Variants in PRDM1 observed in about 807,000 individuals in gnomAD.
PRDM1 encodes PR domain zinc finger protein 1.
Under a neutral mutation model 62.8 loss-of-function variants are expected in PRDM1, and 13 were observed. The observed-to-expected ratio is 0.21, with a 90% CI of 0.13 to 0.33. The LOEUF (loss-of-function observed/expected upper bound fraction) is 0.33. Among genes scored for constraint, PRDM1 ranks in the 10% least tolerant of loss-of-function variants. The pLI is 1.00. For missense variants in PRDM1, 895 were observed against 1,058.8 expected (o/e 0.85, Z 2.15); for synonymous variants, 396 against 417.6 (o/e 0.95, Z 0.63).
In PRDM1 at chr6:106,104,942, C is replaced by G. The variant is rs776025762; in HGVS notation, c.782C>G (p.Ser261Cys). Reference protein sequence around the residue: ...KEILKLDSNPSKGKDLYRSNI... With the variant: ...KEILKLDSNPCKGKDLYRSNI... ...ATCCTAAAATTGGACTCCAACCCCT[C>G]CAAAGGAAAGGACCTCTACCGTTCT... Residue 261 changes from serine (S) to cysteine (C), a missense_variant, in exon 5 of 7, where the codon TCC becomes TGC. This residue lies in a region of PRDM1 where 444 missense variants were observed against 422.7 expected (regional missense o/e 1.05). Transcript: ENST00000369096. 1 of 1,614,102 alleles carries G rather than the reference C, an allele frequency of 6.2e-7. No individual in the cohort carries two copies. The highest frequency in any genetic ancestry group is 8.5e-7 in the Non-Finnish European group (1 of 1,180,008).
intron 1 of PRDM1, among the ~76,000 whole-genome samples, chr6:106,033,071 GT>G (rs11309393): frequency 0.89 from 133,801 of 149,588 alleles, 59,866 homozygotes; most frequent in South Asian, 0.93. Context: ...AACATGGGTA[GT>G]TTTTTTTTTT....
intron 1 of PRDM1, among the ~76,000 whole-genome samples, chr6:106,010,814 G>A (rs1376339343): frequency 6.6e-6 from 1 of 152,112 alleles, no homozygotes; most frequent in African/African-American, 2.4e-5. Context: ...AACCTGCATG[G>A]GGCGATGACC....
rs562721214 is a variant in PRDM1 at position 106,031,336 on chromosome 6, T to A, written c.-67+37697T>A. Among the ~76,000 whole-genome samples, 6 of 152,296 alleles carry A rather than the reference T, an allele frequency of 3.9e-5. No homozygotes were observed. In the South Asian group the frequency reaches 1.0e-3, roughly 26 times the overall value. On this transcript the variant is annotated intron_variant, in intron 1 of 6. Coordinates refer to the PRDM1 transcript ENST00000652320. ...TGCAATGAAGGTAGAAGTCCCAGGATCTTCAGGGATGACCCAGCAGAGGGA... is the reference window on the plus strand; with the variant it reads ...TGCAATGAAGGTAGAAGTCCCAGGAACTTCAGGGATGACCCAGCAGAGGGA...
intron 1 of PRDM1, among the ~76,000 whole-genome samples, chr6:106,017,191 T>G (rs1365208126): frequency 6.6e-6 from 1 of 152,236 alleles, no homozygotes; most frequent in Non-Finnish European, 1.5e-5. Flanking sequence ...AAAAGTTATA[T>G]GCAGATTTTT....
intron 4 of PRDM1, among the ~76,000 whole-genome samples, chr6:106,101,412 C>T (rs1774267848): frequency 6.6e-6 from 1 of 152,206 alleles, no homozygotes; most frequent in African/African-American, 2.4e-5. Flanking sequence ...AGTGCTTCTA[C>T]TTTGTGTTCA....
At chr6:106,078,718 C>A (rs1196682279) in intron 1 of PRDM1, among the ~76,000 whole-genome samples, 1 of 151,982 alleles carries the variant, frequency 6.6e-6, no homozygotes, top group East Asian at 1.9e-4. Flanking sequence ...TCAAAAAATA[C>A]AAAAATTAGC....
At chr6:106,102,001 C>G (rs1440227048) in intron 4 of PRDM1, among the ~76,000 whole-genome samples, 1 of 152,158 alleles carries the variant, frequency 6.6e-6, no homozygotes, top group Non-Finnish European at 1.5e-5. Flanking sequence ...ATCTAACTAA[C>G]CCATCTAGAA....
At chr6:106,083,629 G>A (rs1396866179), upstream of PRDM1, among the ~76,000 whole-genome samples, 2 of 152,192 alleles carry the variant, frequency 1.3e-5, no homozygotes, top group African/African-American at 4.8e-5. Flanking sequence ...GAATAGATGA[G>A]AATTTCTGAG....
chr6:106,089,132 G>C (rs999750308), intron 2 of PRDM1, among the ~76,000 whole-genome samples: 29 of 152,272 alleles, frequency 1.9e-4, no homozygotes, highest in Admixed American at 2.0e-4. Context: ...ACCCAAACTT[G>C]GAATGAGCAA....
chr6:106,008,066 G>A (rs1440605726), intron 1 of PRDM1, among the ~76,000 whole-genome samples: 1 of 152,102 alleles, frequency 6.6e-6, no homozygotes, highest in African/African-American at 2.4e-5. Flanking sequence ...TTTTTTCAAA[G>A]CATTTTAAGA....
chr6:106,107,139 G>A lies in PRDM1; in HGVS notation c.2131G>A (p.Ala711Thr), dbSNP rs373847038. ...SLKVHLKGNC[A>T]AAPAPGLPLE... ...CAAGGTTCACCTGAAAGGGAACTGC[G>A]CTGCGGCCCCGGCGCCTGGGCTGCC... Residue 711 changes from alanine (A) to threonine (T), a missense_variant, in exon 7 of 7, where the codon GCT (alanine) becomes ACT (threonine). By Grantham distance (58) the Ala-to-Thr change is moderately conservative. This residue lies in a region of PRDM1 where 164 missense variants were observed against 179.9 expected (regional missense o/e 0.91). Coordinates refer to ENST00000369096, the MANE Select transcript of PRDM1 (RefSeq NM_001198.4). 4.5e-4 allele frequency: 726 copies of A among 1,614,176 alleles called. 11 individuals are homozygous for A. The South Asian group carries it at 6.4e-3, about 14-fold the overall frequency.
exon 1 of PRDM1, among the ~76,000 whole-genome samples, chr6:105,993,566 C>G (rs888757837): frequency 4.6e-5 from 7 of 152,346 alleles, no homozygotes; most frequent in Non-Finnish European, 7.3e-5. Flanking sequence ...TTTCCTGCTT[C>G]GAAGTCTTCA....
chr6:106,099,459 C>G lies in PRDM1; in HGVS notation c.571C>G (p.Pro191Ala). 1 of 1,614,190 alleles carries G rather than the reference C, an allele frequency of 6.2e-7. No individual in the cohort carries two copies. Among genetic ancestry groups the G allele is most frequent in the Non-Finnish European group, 8.5e-7 (1 of 1,180,030 alleles). Residue 191 changes from proline to alanine, a missense_variant, in exon 4 of 7, where the codon CCT becomes GCT. By Grantham distance (27) the Pro-to-Ala change is conservative (BLOSUM62 -1). Transcript: ENST00000369096. ...CTACTTCTACACCATTAAGCCCATC[C>G]CTGCCAACCAGGAACTTCTTGTGTG... ...NIYFYTIKPI[P>A]ANQELLVWYC... is the part of the protein sequence containing the mutation.
intron 4 of PRDM1, chr6:106,099,815 A>C (rs528993006): frequency 3.2e-5 from 15 of 465,984 alleles, no homozygotes; most frequent in Non-Finnish European, 5.7e-5. Context: ...ATATATGTCC[A>C]ATTCTAATTT....
chr6:106,074,550 A>G (rs1773570882), intron 1 of PRDM1, among the ~76,000 whole-genome samples: 1 of 152,250 alleles, frequency 6.6e-6, no homozygotes, highest in Admixed American at 6.5e-5. Context: ...ACATATAAGT[A>G]TTAAGAGTTG....
intron 5 of PRDM1, 49 bp downstream of exon 5, chr6:106,105,982 GT>G: frequency 6.4e-7 from 1 of 1,562,844 alleles, no homozygotes; most frequent in Non-Finnish European, 8.7e-7. Flanking sequence ...GCATGCTTGT[GT>G]TTGTATTTAG....
intron 1 of PRDM1, among the ~76,000 whole-genome samples, chr6:106,006,048 C>T (rs140622378): frequency 8.5e-5 from 13 of 152,324 alleles, no homozygotes; most frequent in South Asian, 8.3e-4. Flanking sequence ...CGATAGTCCT[C>T]ATCCAAACTG....
rs766055906 is a variant in PRDM1, at chr6:106,088,197, C to T, written c.43-4C>T. 4 of 1,598,672 alleles carry T rather than the reference C, an allele frequency of 2.5e-6. No individual in the cohort carries two copies. Among genetic ancestry groups the T allele is most frequent in the South Asian group, 1.1e-5 (1 of 89,582 alleles). On this transcript the variant is annotated splice_polypyrimidine_tract_variant and splice_region_variant and intron_variant, in intron 1 of 6. Coordinates refer to ENST00000369096, the MANE Select transcript of PRDM1 (RefSeq NM_001198.4). ...GGATTAAAGGCCTTTCCTTTCTCTT[C>T]CAGGCTGCCCCCAAGTGTAACTCCA...
chr6:106,071,679 C>A (rs971264328), intron 1 of PRDM1, among the ~76,000 whole-genome samples: 9 of 151,740 alleles, frequency 5.9e-5, no homozygotes, highest in African/African-American at 2.2e-4. Context: ...TATCCCAGTT[C>A]TTTGTTAATC....
Sources: gnomAD v4.1 joint callset for allele counts (sites outside exome capture counted in the v4.1 genomes callset) on GRCh38, gnomAD v4.1.1 for gene constraint, gnomAD v4.1.1 regional missense constraint, MANE v1.5 for transcripts, NCBI Gene and HGNC (gene_info 2026-07-23, HGNC 2026-07-21) for gene names.